Variants in LRRC4C observed in about 807,000 individuals in gnomAD.
LRRC4C encodes leucine rich repeat containing 4C, also known as leucine-rich repeat-containing protein 4C.
A neutral mutation model predicts 33.6 loss-of-function variants in LRRC4C; 5 were observed. The observed-to-expected ratio is 0.15, with a 90% confidence interval of 0.08 to 0.31. The LOEUF is 0.31. Ranked by LOEUF, LRRC4C falls within the 10% of genes least tolerant of loss-of-function variation. The pLI, the probability that LRRC4C is intolerant of heterozygous loss-of-function variation, is 1.00. For missense variants in LRRC4C, 560 were observed against 796.7 expected (o/e 0.70, Z 3.58); for synonymous variants, 329 against 302.0 (o/e 1.09, Z -0.93).
intron 1 of LRRC4C, among the ~76,000 whole-genome samples, chr11:41,453,699 G>C (rs892196626): frequency 6.6e-6 from 1 of 151,794 alleles, no homozygotes. Flanking sequence ...TATGTGAGAA[G>C]TATAAATAAT....
intron 6 of LRRC4C, among the ~76,000 whole-genome samples, chr11:40,122,408 T>C (rs11035697): frequency 0.069 from 10,520 of 152,020 alleles, 475 homozygotes; most frequent in Middle Eastern, 0.095. Context: ...TGCTCTCCCT[T>C]CCCCCACATC....
At chr11:40,485,167 C>T (rs1408291800) in intron 3 of LRRC4C, among the ~76,000 whole-genome samples, 3 of 151,716 alleles carry the variant, frequency 2.0e-5, no homozygotes, top group African/African-American at 7.3e-5. Flanking sequence ...CATTTACTGG[C>T]CAAATTTGAT....
chr11:40,557,563 T>C (rs1356027824), intron 3 of LRRC4C, among the ~76,000 whole-genome samples: 1 of 152,150 alleles, frequency 6.6e-6, no homozygotes, highest in Admixed American at 6.5e-5. Context: ...TTACACTTTA[T>C]CCATTGAAGC....
chr11:40,493,556 A>C (rs989162748), intron 3 of LRRC4C, among the ~76,000 whole-genome samples: 1 of 151,386 alleles, frequency 6.6e-6, no homozygotes, highest in African/African-American at 2.4e-5. Flanking sequence ...AGTAAAGGTA[A>C]AAAAAAAATT....
chr11:40,332,654 T>C (rs369088168), intron 3 of LRRC4C, among the ~76,000 whole-genome samples: 1 of 152,226 alleles, frequency 6.6e-6, no homozygotes. Context: ...ATTCCCTGTG[T>C]CTTATTCTTT....
chr11:40,457,743 C>T (rs1952204285), intron 3 of LRRC4C, among the ~76,000 whole-genome samples: 3 of 152,166 alleles, frequency 2.0e-5, no homozygotes, highest in Admixed American at 2.0e-4. Context: ...ACACTAAATA[C>T]TGTTATAAGA....
rs892318369 is a variant in LRRC4C at position 40,791,991 on chromosome 11, TA to T, written c.-407+141643del. ...TCTTTGAACACATTTGACATTGAAC[TA>T]AAAAAAAAAAGTATATATTATTTTA... is the stretch of plus-strand genomic sequence containing the variant. On this transcript the variant is annotated intron_variant, in intron 2 of 6. Coordinates refer to ENST00000528697, the MANE Select transcript of LRRC4C (RefSeq NM_001258419.2). Among the ~76,000 whole-genome samples the T allele has an allele frequency of 9.0e-4, 130 of 144,574 alleles. 1 individual carries two copies. Among genetic ancestry groups the T allele is most frequent in the Admixed American group, 1.2e-3 (18 of 14,472 alleles). The allele number at this position is 144,574 out of a possible 152,430, so 94.8% of individuals were successfully genotyped here. A position where few individuals can be genotyped will look rare whatever the true frequency, so the allele number is the denominator to read the frequency against.
chr11:40,858,179 T>A (rs1259754549), intron 2 of LRRC4C, among the ~76,000 whole-genome samples: 1 of 152,188 alleles, frequency 6.6e-6, no homozygotes, highest in African/African-American at 2.4e-5. Flanking sequence ...TCATACGTAG[T>A]TAGTAGATAC....
intron 1 of LRRC4C, among the ~76,000 whole-genome samples, chr11:40,937,882 C>T (rs1401602386): frequency 6.6e-6 from 1 of 151,962 alleles, no homozygotes; most frequent in African/African-American, 2.4e-5. Flanking sequence ...GTCTTGAACT[C>T]ATGTGTTCAA....
intron 1 of LRRC4C, among the ~76,000 whole-genome samples, chr11:41,372,054 G>T (rs111437745): frequency 6.6e-6 from 1 of 152,286 alleles, no homozygotes; most frequent in South Asian, 2.1e-4. Flanking sequence ...GGAGAATGGC[G>T]TGAACCCCGG....
intron 1 of LRRC4C, among the ~76,000 whole-genome samples, chr11:41,339,496 A>G (rs1485065731): frequency 6.6e-6 from 1 of 152,154 alleles, no homozygotes; most frequent in African/African-American, 2.4e-5. Flanking sequence ...CCAATACAAC[A>G]GAAACTTTTA....
At chr11:40,427,731 G>A (rs1263913706) in intron 3 of LRRC4C, among the ~76,000 whole-genome samples, 1 of 152,118 alleles carries the variant, frequency 6.6e-6, no homozygotes, top group East Asian at 1.9e-4. Context: ...TTGGGAGGCT[G>A]AGGTGGGAGG....
Position 41,001,852 on chromosome 11 carries a change from T to C in LRRC4C, c.-495-68129A>G, listed in dbSNP as rs1233365959. Among the ~76,000 whole-genome samples, 6 of 127,880 alleles carry C rather than the reference T, an allele frequency of 4.7e-5. No homozygotes were observed. The East Asian group carries it at 9.5e-4, about 20-fold the overall frequency. 83.9% of individuals were successfully genotyped at this position (127,880 alleles called of 152,430 possible). A position where few individuals can be genotyped will look rare whatever the true frequency, so the allele number is the denominator to read the frequency against. On this transcript the variant is annotated intron_variant, in intron 1 of 6. Coordinates refer to ENST00000528697, the MANE Select transcript of LRRC4C (RefSeq NM_001258419.2). Reference sequence around the variant, plus strand: ...GTCAATGGGCTCAGCTTTCTTCTGATGGTCTGTGACATTTTTTTTTTTTTT... The same window carrying C: ...GTCAATGGGCTCAGCTTTCTTCTGACGGTCTGTGACATTTTTTTTTTTTTT...
chr11:41,046,555 T>C (rs113976276), intron 1 of LRRC4C, among the ~76,000 whole-genome samples: 2,017 of 152,276 alleles, frequency 0.013, 40 homozygotes, highest in African/African-American at 0.046. Context: ...CAGTCATGGT[T>C]TGGCATATTT....
intron 3 of LRRC4C, among the ~76,000 whole-genome samples, chr11:40,614,960 T>G (rs1377272995): frequency 1.3e-5 from 2 of 151,472 alleles, no homozygotes; most frequent in African/African-American, 4.8e-5. Flanking sequence ...ATAACAGATT[T>G]AATAATAATG....
intron 2 of LRRC4C, among the ~76,000 whole-genome samples, chr11:40,740,116 C>A (rs752248894): frequency 1.3e-5 from 2 of 151,890 alleles, no homozygotes; most frequent in Non-Finnish European, 2.9e-5. Flanking sequence ...AATAATGATG[C>A]AATGAACATG....
chr11:40,639,546 A>T (rs1445581856), intron 3 of LRRC4C, among the ~76,000 whole-genome samples: 1 of 152,208 alleles, frequency 6.6e-6, no homozygotes, highest in Non-Finnish European at 1.5e-5. Context: ...TTCGCTCGAC[A>T]ATTTGTTATT....
intron 1 of LRRC4C, among the ~76,000 whole-genome samples, chr11:41,218,389 T>C (rs1947155847): frequency 6.6e-6 from 1 of 152,228 alleles, no homozygotes; most frequent in African/African-American, 2.4e-5. Flanking sequence ...TAGTTACCTT[T>C]GATTCTGCCT....
chr11:40,486,058 C>T (rs558403398), intron 3 of LRRC4C, among the ~76,000 whole-genome samples: 1 of 151,276 alleles, frequency 6.6e-6, no homozygotes, highest in African/African-American at 2.4e-5. Flanking sequence ...GGCTTAACAC[C>T]TGGAAGATGA....
Sources: allele counts gnomAD v4.1 joint callset (sites outside exome capture counted in the v4.1 genomes callset), GRCh38; gene constraint gnomAD v4.1.1; transcripts MANE v1.5; gene names NCBI Gene and HGNC (gene_info 2026-07-23, HGNC 2026-07-21).